CSMD1: variants seen among roughly 807,000 people sequenced by gnomAD.
The protein encoded by CSMD1 is CUB and sushi domain-containing protein 1.
Under a neutral mutation model 417.5 loss-of-function variants are expected in CSMD1, and 213 were observed. The ratio of observed to expected loss-of-function variants is 0.51; its 90% confidence interval spans 0.46 to 0.57. The LOEUF (loss-of-function observed/expected upper bound fraction) is 0.57, where lower values mean the gene tolerates loss of function less well. Ranked by LOEUF, CSMD1 falls within the 20% of genes least tolerant of loss-of-function variation. The pLI, the probability that CSMD1 is intolerant of heterozygous loss-of-function variation, is 0.00. For missense variants in CSMD1, 6,923 were observed against 4,529.7 expected, an observed-to-expected ratio of 1.53 and a Z score of -15.17; for synonymous variants, 2,862 against 1,736.8, an observed-to-expected ratio of 1.65 and a Z score of -16.11.
At chr8:3,041,996 G>T (rs1466674249) in intron 50 of CSMD1, among the ~76,000 whole-genome samples, 1 of 152,118 alleles carries the variant, frequency 6.6e-6, no homozygotes, top group Non-Finnish European at 1.5e-5. Flanking sequence ...ATCAGCTCTG[G>T]AAGGCACAGA....
At chr8:3,494,994 G>C (rs748519684) in intron 10 of CSMD1, among the ~76,000 whole-genome samples, 4 of 152,064 alleles carry the variant, frequency 2.6e-5, no homozygotes, top group Non-Finnish European at 5.9e-5. Context: ...ATGCCAAAAA[G>C]GAATACATTA....
chr8:3,349,835 A>C (rs1287514541), intron 21 of CSMD1, among the ~76,000 whole-genome samples: 1 of 142,828 alleles, frequency 7.0e-6, no homozygotes. Flanking sequence ...TATATATAAT[A>C]TATCTAGATA....
intron 10 of CSMD1, among the ~76,000 whole-genome samples, chr8:3,573,811 T>A (rs1200174251): frequency 3.4e-5 from 5 of 149,004 alleles, no homozygotes; most frequent in African/African-American, 1.2e-4. Flanking sequence ...GTAAATTTAA[T>A]ATTACTATAA....
intron 3 of CSMD1, among the ~76,000 whole-genome samples, chr8:4,380,862 A>C (rs560999016): frequency 2.0e-4 from 31 of 152,270 alleles, no homozygotes; most frequent in African/African-American, 7.5e-4. Context: ...TTTTATTAGT[A>C]TATTACTATA....
intron 1 of CSMD1, among the ~76,000 whole-genome samples, chr8:4,898,105 C>G (rs931484283): frequency 1.3e-5 from 2 of 151,948 alleles, no homozygotes; most frequent in Non-Finnish European, 2.9e-5. Context: ...ATGAAGCAAA[C>G]GAATAAGTAA....
chr8:3,009,203 T>G (rs561668664), intron 52 of CSMD1, among the ~76,000 whole-genome samples: 57 of 152,344 alleles, frequency 3.7e-4, no homozygotes, highest in African/African-American at 1.3e-3. Context: ...AGGGGCCTAC[T>G]TGAAGCTCAC....
At chr8:3,489,525 C>G (rs563064607) in intron 11 of CSMD1, among the ~76,000 whole-genome samples, 3 of 152,250 alleles carry the variant, frequency 2.0e-5, no homozygotes, top group South Asian at 2.1e-4. Flanking sequence ...CGAGAACAGT[C>G]TCAATAGATG....
intron 38 of CSMD1, among the ~76,000 whole-genome samples, chr8:3,160,405 G>C (rs1246021178): frequency 1.3e-5 from 2 of 152,196 alleles, no homozygotes; most frequent in Admixed American, 1.3e-4. Flanking sequence ...TTACAGGTGT[G>C]AGCCACTGCA....
At chr8:4,729,892 C>A (rs985081983) in intron 1 of CSMD1, among the ~76,000 whole-genome samples, 1 of 152,176 alleles carries the variant, frequency 6.6e-6, no homozygotes, top group African/African-American at 2.4e-5. Flanking sequence ...GGAACCTCAT[C>A]TGAAACTTCA....
Position 4,969,027 on chromosome 8 carries a change from C to G in CSMD1, c.85+25305G>C, listed in dbSNP as rs143630739. ...AGATACTGTCGCTTCTGGAAAGCCA[C>G]TATTCACTCTCCAGAATTCATCCTG... is the stretch of plus-strand genomic sequence containing the variant. On this transcript the variant is annotated intron_variant, in intron 1 of 69. Transcript: ENST00000635120. 5.9e-3 allele frequency among the ~76,000 whole-genome samples: 895 copies of G among 152,302 alleles called. 12 individuals are homozygous for G. The highest frequency in any genetic ancestry group is 0.02 in the African/African-American group (833 of 41,574).
At chr8:3,679,329 G>A (rs1451035276) in intron 7 of CSMD1, among the ~76,000 whole-genome samples, 6 of 152,102 alleles carry the variant, frequency 3.9e-5, no homozygotes, top group African/African-American at 1.4e-4. Context: ...AAAATAAAGG[G>A]ATGGAGGAAG....
chr8:4,379,675 AGGGGAAGAG>A (rs1232495522), intron 3 of CSMD1, among the ~76,000 whole-genome samples: 2 of 149,798 alleles, frequency 1.3e-5, no homozygotes, highest in East Asian at 3.9e-4. Flanking sequence ...TAGTTCTTAC[AGGGGAAGAG>A]GGCAATGAAG....
chr8:4,937,724 T>C (rs934715378), intron 1 of CSMD1, among the ~76,000 whole-genome samples: 12 of 152,110 alleles, frequency 7.9e-5, no homozygotes, highest in Admixed American at 3.3e-4. Flanking sequence ...ACTTTACGCC[T>C]GAGCAGAGTA....
At chr8:3,563,181 T>C (rs1318807089) in intron 10 of CSMD1, among the ~76,000 whole-genome samples, 6 of 152,224 alleles carry the variant, frequency 3.9e-5, no homozygotes, top group South Asian at 4.2e-4. Flanking sequence ...GACTACGTTT[T>C]ATTTAGTTGG....
At chr8:4,327,374 A>T (rs1012301736) in intron 3 of CSMD1, among the ~76,000 whole-genome samples, 1 of 152,162 alleles carries the variant, frequency 6.6e-6, no homozygotes, top group Non-Finnish European at 1.5e-5. Flanking sequence ...GTTAATGAAA[A>T]TGGGGAGACT....
intron 7 of CSMD1, among the ~76,000 whole-genome samples, chr8:3,655,802 G>A (rs951095125): frequency 2.0e-5 from 3 of 151,930 alleles, no homozygotes; most frequent in East Asian, 3.9e-4. Flanking sequence ...TAGCAAGAAA[G>A]AAAGTCTTCC....
At chr8:4,230,828 G>A (rs558067302) in intron 3 of CSMD1, among the ~76,000 whole-genome samples, 1 of 152,092 alleles carries the variant, frequency 6.6e-6, no homozygotes, top group East Asian at 1.9e-4. Context: ...GTGTCACAAT[G>A]TATTTTTTGT....
intron 3 of CSMD1, among the ~76,000 whole-genome samples, chr8:4,091,184 G>T (rs911981219): frequency 7.2e-5 from 11 of 152,090 alleles, no homozygotes; most frequent in African/African-American, 2.7e-4. Context: ...CTCCCAAAGT[G>T]CTGGGATTAC....
chr8:3,400,379 G>C (rs1168601208), intron 15 of CSMD1, among the ~76,000 whole-genome samples: 1 of 151,598 alleles, frequency 6.6e-6, no homozygotes, highest in African/African-American at 2.4e-5. Flanking sequence ...AAATCCTTTT[G>C]GAAAAAATAT....
Sources: allele counts gnomAD v4.1 joint callset (sites outside exome capture counted in the v4.1 genomes callset), GRCh38; gene constraint gnomAD v4.1.1; transcripts MANE v1.5; gene names NCBI Gene and HGNC (gene_info 2026-07-23, HGNC 2026-07-21).